MTAP: variants seen among roughly 807,000 people sequenced by gnomAD.
The protein encoded by MTAP is S-methyl-5'-thioadenosine phosphorylase.
In MTAP, 33 loss-of-function variants were observed where a neutral mutation model predicts 33.6. The ratio of observed to expected loss-of-function variants is 0.98; its 90% CI spans 0.74 to 1.31. MTAP has a LOEUF of 1.31. Among genes scored for constraint, MTAP ranks in the 40% most tolerant of loss-of-function variants. The pLI is 0.00. For missense variants in MTAP, 367 were observed against 360.0 expected, an observed-to-expected ratio of 1.02 and a Z score of -0.16; for synonymous variants, 148 against 125.7, an observed-to-expected ratio of 1.18 and a Z score of -1.19.
intron 5 of MTAP, among the ~76,000 whole-genome samples, chr9:21,850,012 A>G (rs987967476): frequency 1.3e-5 from 2 of 152,242 alleles, no homozygotes; most frequent in Non-Finnish European, 2.9e-5. Context: ...TCAAGGGTAT[A>G]TCAACTCTTC....
chr9:21,874,973 C>G (rs1825985164), intron 1 of MTAP, among the ~76,000 whole-genome samples: 1 of 152,056 alleles, frequency 6.6e-6, no homozygotes, highest in Admixed American at 6.6e-5. Context: ...TGATGGTTTC[C>G]AGCTTCATCC....
At chr9:21,819,177 C>T (rs1419446116) in intron 4 of MTAP, among the ~76,000 whole-genome samples, 1 of 148,816 alleles carries the variant, frequency 6.7e-6, no homozygotes, top group Non-Finnish European at 1.5e-5. Context: ...TTCTAGGGTA[C>T]ATGTGCACAA....
intron 1 of MTAP, among the ~76,000 whole-genome samples, chr9:21,912,207 A>G (rs995854305): frequency 9.9e-5 from 15 of 152,284 alleles, no homozygotes; most frequent in African/African-American, 3.4e-4. Flanking sequence ...AGAGGTACAA[A>G]GAGGAGCTGG....
At chr9:21,827,211 A>G (rs546693896) in intron 4 of MTAP, among the ~76,000 whole-genome samples, 1 of 152,126 alleles carries the variant, frequency 6.6e-6, no homozygotes, top group Non-Finnish European at 1.5e-5. Context: ...AGAGTAGCGC[A>G]GAGTTAAATC....
At chr9:21,828,821 T>G (rs1045263478) in intron 4 of MTAP, among the ~76,000 whole-genome samples, 2 of 152,262 alleles carry the variant, frequency 1.3e-5, no homozygotes, top group Non-Finnish European at 2.9e-5. Context: ...TCTTTTACTT[T>G]TTCAGTGACC....
rs1341916850 is a variant in MTAP, at chr9:21,931,130, CCT to C, written c.271_272del (p.Leu91ValfsTer20). 2.6e-6 allele frequency: 2 copies of C among 760,064 alleles called. No homozygotes were observed. The highest frequency in any genetic ancestry group is 1.7e-5 in the African/African-American group (1 of 59,030). 47.1% of individuals were successfully genotyped at this position (760,064 alleles called of 1,614,324 possible). A position where few individuals can be genotyped will look rare whatever the true frequency, so the allele number is the denominator to read the frequency against. Reference sequence around the variant, plus strand: ...GACATGGCAGAGGTGAAATCCTGCCCCTGTCTCCCTTAGACCTGGCTGGATAC... The same window carrying C: ...GACATGGCAGAGGTGAAATCCTGCCCGTCTCCCTTAGACCTGGCTGGATAC... On this transcript the variant is annotated frameshift_variant, in exon 2 of 2. Transcript: ENST00000577563. LOFTEE classifies it high-confidence loss of function.
At chr9:21,895,358 G>T (rs1401845548) in intron 1 of MTAP, among the ~76,000 whole-genome samples, 4 of 152,168 alleles carry the variant, frequency 2.6e-5, no homozygotes, top group Admixed American at 6.5e-5. Context: ...CTGCCCCAAG[G>T]TTCCAAGATG....
intron 4 of MTAP, among the ~76,000 whole-genome samples, chr9:21,824,575 C>T (rs946894926): frequency 6.6e-6 from 1 of 152,222 alleles, no homozygotes; most frequent in Admixed American, 6.5e-5. Flanking sequence ...GGCAGTCTGT[C>T]CATTCTCAGA....
intron 1 of MTAP, among the ~76,000 whole-genome samples, chr9:21,912,866 T>G (rs1818603256): frequency 6.6e-6 from 1 of 152,194 alleles, no homozygotes; most frequent in African/African-American, 2.4e-5. Context: ...GATAACCTGA[T>G]TGTATATCTA....
chr9:21,925,129 A>G (rs1818848717), intron 1 of MTAP, among the ~76,000 whole-genome samples: 1 of 152,222 alleles, frequency 6.6e-6, no homozygotes, highest in Non-Finnish European at 1.5e-5. Flanking sequence ...AAAGAATTGC[A>G]TGTTCTTATG....
chr9:21,908,656 TTTG>T (rs1268953721), intron 1 of MTAP, among the ~76,000 whole-genome samples: 2 of 152,108 alleles, frequency 1.3e-5, no homozygotes, highest in Non-Finnish European at 2.9e-5. Context: ...ACTGACATTT[TTTG>T]TTGTTTTCCT....
chr9:21,826,624 A>ATTG (rs200867666), intron 4 of MTAP, among the ~76,000 whole-genome samples: 16,446 of 142,722 alleles, frequency 0.12, 1,410 homozygotes, highest in East Asian at 0.29. Context: ...TATTATTATT[A>ATTG]TTATTATTAT....
At chr9:21,874,778 G>A (rs1825982076) in intron 1 of MTAP, among the ~76,000 whole-genome samples, 1 of 150,822 alleles carries the variant, frequency 6.6e-6, no homozygotes, top group Non-Finnish European at 1.5e-5. Context: ...TACATGTGCC[G>A]TGGTAGTTTG....
intron 1 of MTAP, chr9:21,803,361 T>C (rs905375613): frequency 6.1e-6 from 1 of 162,804 alleles, no homozygotes; most frequent in Non-Finnish European, 1.3e-5. Flanking sequence ...GCGCTGAAGT[T>C]TTCCCCAGCA....
intron 1 of MTAP, among the ~76,000 whole-genome samples, chr9:21,902,628 A>G (rs796149626): frequency 2.8e-4 from 43 of 152,332 alleles, no homozygotes; most frequent in African/African-American, 9.9e-4. Flanking sequence ...TTTCTGACCT[A>G]AGTATTCTCA....
chr9:21,842,734 A>G (rs10113948), intron 5 of MTAP, among the ~76,000 whole-genome samples: 98,714 of 152,048 alleles, frequency 0.65, 32,926 homozygotes, highest in African/African-American at 0.8. Context: ...TATTGAGCCA[A>G]CACTACAAGA....
chr9:21,817,921 C>A, intron 3 of MTAP, 114 bp from the exon 4 acceptor site: 1 of 1,008,338 alleles, frequency 9.9e-7, no homozygotes, highest in Non-Finnish European at 1.4e-6. Context: ...AGGAGACCCC[C>A]TGTGTTAGTC....
At chr9:21,894,220 A>C (rs1279950424) in intron 1 of MTAP, among the ~76,000 whole-genome samples, 1 of 151,544 alleles carries the variant, frequency 6.6e-6, no homozygotes, top group African/African-American at 2.4e-5. Flanking sequence ...TTAAAAAAAA[A>C]AAAAAAAAAA....
At chr9:21,810,446 C>T (rs780149982) in intron 1 of MTAP, among the ~76,000 whole-genome samples, 19 of 152,000 alleles carry the variant, frequency 1.3e-4, no homozygotes, top group Non-Finnish European at 2.2e-4. Context: ...ACAAACTTTG[C>T]TTCATAACAA....
Sources: allele counts gnomAD v4.1 joint callset (sites outside exome capture counted in the v4.1 genomes callset), GRCh38; gene constraint gnomAD v4.1.1; transcripts MANE v1.5; gene names NCBI Gene and HGNC (gene_info 2026-07-23, HGNC 2026-07-21).